The following SAXO1 variants were observed in gnomAD, a reference collection of about 807,000 sequenced individuals.
SAXO1 encodes 4930500O09Rik.
A neutral mutation model predicts 17.5 loss-of-function variants in SAXO1; 21 were observed. The ratio of observed to expected loss-of-function variants is 1.20; its 90% CI spans 0.85 to 1.72. The LOEUF (loss-of-function observed/expected upper bound fraction) is 1.72, where lower values mean the gene tolerates loss of function less well. Among genes scored for constraint, SAXO1 ranks in the 40% most tolerant of loss-of-function variants. The probability of loss-of-function intolerance (pLI) is 0.00; values close to 1 mark genes in which losing one functional copy is unlikely to be tolerated. For synonymous variants in SAXO1, 274 were observed against 216.5 expected (o/e 1.27, Z -2.33); for missense variants, 843 against 596.0 (o/e 1.41, Z -4.32).
At chr9:19,026,999 C>T (rs894951991) in intron 1 of SAXO1, 5 of 891,964 alleles carry the variant, frequency 5.6e-6, no homozygotes, top group Non-Finnish European at 9.5e-6. Context: ...ACAGTGAGAT[C>T]AAGATCATGA....
chr9:18,983,269 T>C (rs1023082411), intron 1 of SAXO1, among the ~76,000 whole-genome samples: 2 of 152,074 alleles, frequency 1.3e-5, no homozygotes, highest in Admixed American at 6.6e-5. Flanking sequence ...GCAAGGCATG[T>C]CTTACATGGC....
chr9:18,928,889 G>C lies in SAXO1; in HGVS notation c.588C>G (p.Leu196=). The C allele has an allele frequency of 6.2e-7, 1 of 1,614,206 alleles. No homozygotes were observed. The highest frequency in any genetic ancestry group is 8.5e-7 in the Non-Finnish European group (1 of 1,180,040). The change falls in exon 4 of 4, where the codon CTC becomes CTG. Residue 196 remains leucine, a synonymous_variant. Coordinates refer to ENST00000380534, the MANE Select transcript of SAXO1 (RefSeq NM_153707.4). The stretch of plus-strand genomic sequence containing the variant: ...TCACATCCTCCAAGGGGATGTTACA[G>C]AGCTTTGGCATGGCCAGAGGTTTAC... The part of the protein sequence containing the change: ...ISCKPLAMPK[L]CNIPLEDVTN...
At chr9:19,038,190 G>T (rs202135060), upstream of SAXO1, among the ~76,000 whole-genome samples, 6 of 152,162 alleles carry the variant, frequency 3.9e-5, no homozygotes, top group South Asian at 4.1e-4. Context: ...ATTGTGGAAG[G>T]CAGTGTGGCG....
chr9:19,006,669 G>C (rs1015078456), intron 1 of SAXO1, among the ~76,000 whole-genome samples: 1 of 152,198 alleles, frequency 6.6e-6, no homozygotes, highest in South Asian at 2.1e-4. Flanking sequence ...TTGGGATGAT[G>C]AAAAAGTTCT....
At chr9:18,999,822 G>A (rs1025005180) in intron 1 of SAXO1, among the ~76,000 whole-genome samples, 1 of 147,584 alleles carries the variant, frequency 6.8e-6, no homozygotes, top group Admixed American at 6.7e-5. Flanking sequence ...CCCACTGTCT[G>A]GGAAGTGAGG....
chr9:18,929,150 T>A, intron 3 of SAXO1, 95 bp from the exon 4 acceptor site: 2 of 1,363,268 alleles, frequency 1.5e-6, no homozygotes, highest in African/African-American at 1.5e-5. Flanking sequence ...CAGTCTCCGA[T>A]GAAGTGTTCT....
At position 18,998,215 on chromosome 9, in the gene SAXO1, G is replaced by C. The variant is rs542901860; in HGVS notation, c.38+34656C>G. Among the ~76,000 whole-genome samples, 457 of 152,006 alleles carry C rather than the reference G, an allele frequency of 3.0e-3. 8 individuals carry two copies. The South Asian group carries it at 0.044, about 15-fold the overall frequency. On this transcript the variant is annotated intron_variant, in intron 1 of 3. Coordinates refer to ENST00000380534, the MANE Select transcript of SAXO1 (RefSeq NM_153707.4). ...CCATCACAAGGAAGCTAAAAACCTT[G>C]AAAAAAGGTTAGATGAATGGCTAAC... is the stretch of plus-strand genomic sequence containing the variant.
intron 1 of SAXO1, among the ~76,000 whole-genome samples, chr9:19,020,818 T>C (rs1307169922): frequency 6.6e-6 from 1 of 152,224 alleles, no homozygotes; most frequent in East Asian, 1.9e-4. Context: ...TTCTAGGGCA[T>C]GGGGATATTG....
At chr9:19,043,843 T>C (rs1588579069) in intron 1 of SAXO1, among the ~76,000 whole-genome samples, 3 of 151,852 alleles carry the variant, frequency 2.0e-5, no homozygotes, top group African/African-American at 4.8e-5. Context: ...CATTCAAAAA[T>C]AACTAAAAGA....
At chr9:18,995,042 C>G (rs1254961109) in intron 1 of SAXO1, among the ~76,000 whole-genome samples, 1 of 152,128 alleles carries the variant, frequency 6.6e-6, no homozygotes, top group African/African-American at 2.4e-5. Flanking sequence ...TTTTGAAATG[C>G]ACAAAATAAC....
chr9:19,007,608 T>C (rs946438409), intron 1 of SAXO1, among the ~76,000 whole-genome samples: 11 of 152,316 alleles, frequency 7.2e-5, no homozygotes, highest in African/African-American at 2.6e-4. Flanking sequence ...AAAACATTAC[T>C]TTCTTTTCTT....
chr9:18,959,443 C>T (rs1351395433), intron 1 of SAXO1, among the ~76,000 whole-genome samples: 1 of 152,084 alleles, frequency 6.6e-6, no homozygotes, highest in African/African-American at 2.4e-5. Context: ...CGACCCAGGG[C>T]ATCTACAGAC....
chr9:19,039,570 G>C (rs745632223), intron 1 of SAXO1, among the ~76,000 whole-genome samples: 3 of 152,194 alleles, frequency 2.0e-5, no homozygotes, highest in Non-Finnish European at 4.4e-5. Context: ...TTTCTCATTT[G>C]AGAAATTTTA....
At chr9:18,993,884 A>T (rs1674007892) in intron 1 of SAXO1, among the ~76,000 whole-genome samples, 1 of 152,222 alleles carries the variant, frequency 6.6e-6, no homozygotes, top group Non-Finnish European at 1.5e-5. Context: ...ATAAGTCCAG[A>T]ATCCTAACCC....
intron 1 of SAXO1, among the ~76,000 whole-genome samples, chr9:19,030,139 CAGG>C (rs1369843515): frequency 2.0e-5 from 3 of 152,112 alleles, no homozygotes; most frequent in Non-Finnish European, 4.4e-5. Flanking sequence ...ACAAGTCCAG[CAGG>C]AGGAGGGAAC....
At chr9:19,019,930 C>T (rs970707203) in intron 1 of SAXO1, among the ~76,000 whole-genome samples, 2 of 151,796 alleles carry the variant, frequency 1.3e-5, no homozygotes, top group Admixed American at 6.6e-5. Flanking sequence ...CGTTATTATC[C>T]ATCTATCTCC....
chr9:19,027,423 G>C (rs567094740), intron 1 of SAXO1: 2 of 756,598 alleles, frequency 2.6e-6, no homozygotes, highest in Admixed American at 1.8e-5. Context: ...TGGACAAGCA[G>C]ATCCAGGAAC....
At chr9:18,942,109 T>C (rs574125651) in intron 2 of SAXO1, among the ~76,000 whole-genome samples, 1 of 116,400 alleles carries the variant, frequency 8.6e-6, no homozygotes, top group South Asian at 2.2e-4. Context: ...CTCCACCTCA[T>C]TGGTTTTTCT....
chr9:18,953,895 C>G (rs1051060209), intron 1 of SAXO1, among the ~76,000 whole-genome samples: 43 of 152,290 alleles, frequency 2.8e-4, no homozygotes, highest in Middle Eastern at 3.4e-3. Flanking sequence ...AAGGGAAAGA[C>G]AGATTTCTCA....
Sources: allele counts gnomAD v4.1 joint callset (sites outside exome capture counted in the v4.1 genomes callset), GRCh38; gene constraint gnomAD v4.1.1; transcripts MANE v1.5; gene names NCBI Gene and HGNC (gene_info 2026-07-23, HGNC 2026-07-21).